PRDM7: variants seen among roughly 807,000 people sequenced by gnomAD.
The protein encoded by PRDM7 is histone-lysine N-methyltransferase PRDM7.
Under a neutral mutation model 64.3 loss-of-function variants are expected in PRDM7, and 52 were observed. The ratio of observed to expected loss-of-function variants is 0.81; its 90% CI spans 0.65 to 1.02. The LOEUF (loss-of-function observed/expected upper bound fraction) is 1.02. Among genes scored for constraint, PRDM7 ranks in the 50% least tolerant of loss-of-function variants. The probability of loss-of-function intolerance (pLI) is 0.00; values close to 1 mark genes in which losing one functional copy is unlikely to be tolerated. For synonymous variants in PRDM7, 192 were observed against 210.1 expected (o/e 0.91, Z 0.74); for missense variants, 574 against 597.1 (o/e 0.96, Z 0.40).
chr16:90,063,752 G>A lies in PRDM7; in HGVS notation c.368C>T (p.Ser123Leu), dbSNP rs765132852. ...SKHQKGMPKA[S>L]FNNESSLREL... ...TCTCAAACTAGATTCATTATTGAAT[G>A]ACGCCTTGGGCATTCCCTTTAATGT... The change falls in exon 6 of 11, where the codon TCA becomes TTA. Residue 123 changes from serine to leucine, a missense_variant. Coordinates refer to ENST00000449207, the MANE Select transcript of PRDM7 (RefSeq NM_001098173.2). The A allele has an allele frequency of 1.2e-5, 20 of 1,614,082 alleles. No individual in the cohort carries two copies. The highest frequency in any genetic ancestry group is 1.5e-5 in the Non-Finnish European group (18 of 1,180,030).
At position 90,065,684 on chromosome 16, in the gene PRDM7, G is replaced by A. The variant is rs545564378; in HGVS notation, c.351+1177C>T. Among the ~76,000 whole-genome samples, 7 of 151,378 alleles carry A rather than the reference G, an allele frequency of 4.6e-5. No homozygotes were observed. The South Asian group carries it at 1.0e-3, about 22-fold the overall frequency. On this transcript the variant is annotated intron_variant, in intron 5 of 10. Coordinates refer to ENST00000449207, the MANE Select transcript of PRDM7 (RefSeq NM_001098173.2). ...TAGGAGATGGAGGCTGCAGTAAGCC[G>A]AGATTGAGCCATTGCACTGCAGCCT...
At chr16:90,063,427 G>C (rs1156691627) in intron 6 of PRDM7, among the ~76,000 whole-genome samples, 185 bp downstream of exon 6, 1 of 152,120 alleles carries the variant, frequency 6.6e-6, no homozygotes, top group African/African-American at 2.4e-5. Flanking sequence ...GACAGAGTAA[G>C]ACTCTGTCTC....
Position 90,075,912 on chromosome 16 carries a change from G to A in PRDM7, c.-2C>T. On this transcript the variant is annotated 5_prime_UTR_variant, in exon 2 of 11. Coordinates refer to ENST00000449207, the MANE Select transcript of PRDM7 (RefSeq NM_001098173.2). The surrounding 1 kb of genome is among the most constrained non-coding windows in gnomAD (Gnocchi z 4.3). ...CTCTTGGGACCTTTCAGGGCTCATG[G>A]TGCTGGGACTGTCTAGAAGGCCCTG... 2 of 1,613,658 alleles carry A rather than the reference G, an allele frequency of 1.2e-6. No individual in the cohort carries two copies. Among genetic ancestry groups the A allele is most frequent in the Non-Finnish European group, 1.7e-6 (2 of 1,179,802 alleles).
In PRDM7 at chr16:90,058,294, A is replaced by C; in HGVS notation, c.1474T>G (p.Ser492Ala). ...KVKRSKKGPN[S>A] ...CCTCTGCCATGTCCTTTTATTCAAG[A>C]GTTTGGACCTTTCTTTGATCTCTTG... Residue 492 changes from serine (S) to alanine (A), a missense_variant, in exon 11 of 11, where the codon TCT becomes GCT. By Grantham distance (99) the Ser-to-Ala change is moderately conservative (BLOSUM62 1). Coordinates refer to ENST00000449207, the MANE Select transcript of PRDM7 (RefSeq NM_001098173.2). The C allele has an allele frequency of 6.2e-7, 1 of 1,614,068 alleles. No individual in the cohort carries two copies. The highest frequency in any genetic ancestry group is 8.5e-7 in the Non-Finnish European group (1 of 1,180,016).
intron 4 of PRDM7, among the ~76,000 whole-genome samples, chr16:90,068,748 A>G (rs1335233378): frequency 4.0e-5 from 6 of 151,330 alleles, no homozygotes; most frequent in African/African-American, 1.2e-4. Context: ...AAATTAAGAA[A>G]AAAATCCCAA....
Position 90,059,611 on chromosome 16 carries a change from G to A in PRDM7, c.1233+730C>T, listed in dbSNP as rs554548429. On this transcript the variant is annotated intron_variant, in intron 10 of 10. Coordinates refer to ENST00000449207, the MANE Select transcript of PRDM7 (RefSeq NM_001098173.2). ...GCACTTCTCAAATGCTGTCTCCTAA[G>A]AGAAATCTTCCCTGACAATCCCCTG... Among the ~76,000 whole-genome samples the A allele has an allele frequency of 2.6e-4, 39 of 152,344 alleles. No individual in the cohort carries two copies. In the South Asian group the frequency reaches 6.6e-3, roughly 26 times the overall value.
chr16:90,069,470 C>T (rs1333542217), intron 4 of PRDM7, among the ~76,000 whole-genome samples: 1 of 151,304 alleles, frequency 6.6e-6, no homozygotes. Flanking sequence ...GTATATGACA[C>T]CAAAAGCATA....
chr16:90,062,356 A>G lies in PRDM7; in HGVS notation c.610+45T>C, dbSNP rs16966435. ...GGCCAAATGATGAAATTATTGTACCAGGACATAACAGCAAGCTGTGTGAGT... is the reference window on the plus strand; with the variant it reads ...GGCCAAATGATGAAATTATTGTACCGGGACATAACAGCAAGCTGTGTGAGT... On this transcript the variant is annotated intron_variant, in intron 7 of 10. Transcript: ENST00000449207. 6.4e-3 allele frequency: 10,316 copies of G among 1,613,816 alleles called. 639 individuals carry two copies. The African/African-American group carries it at 0.12, about 19-fold the overall frequency.
At chr16:90,077,119 G>A (rs2151315748) in intron 1 of PRDM7, 107 bp downstream of exon 1, 1 of 152,226 alleles carries the variant, frequency 6.6e-6, no homozygotes, top group East Asian at 1.9e-4. Context: ...CCCTCAAGGT[G>A]GCAGGATTTG....
In PRDM7 at chr16:90,058,448, G is replaced by C. The variant is rs2037716690; in HGVS notation, c.1320C>G (p.Ile440Met). ...GGTCCTGGGAAGTTCTGAGAGGAGT[G>C]ATTGCGTTCCACATGTTGACTGAGA... ...KNFSVNMWNAITPLRTSQDHL... is the reference protein window; with the variant it reads ...KNFSVNMWNAMTPLRTSQDHL... Residue 440 changes from isoleucine (I) to methionine (M), a missense_variant, in exon 11 of 11, where the codon ATC (isoleucine) becomes ATG (methionine). Transcript: ENST00000449207. 1.2e-6 allele frequency: 2 copies of C among 1,614,170 alleles called. No individual in the cohort carries two copies. Among genetic ancestry groups the C allele is most frequent in the Non-Finnish European group, 1.7e-6 (2 of 1,180,036 alleles).
intron 4 of PRDM7, among the ~76,000 whole-genome samples, chr16:90,068,420 G>A (rs1231647535): frequency 2.0e-5 from 3 of 151,204 alleles, no homozygotes; most frequent in Non-Finnish European, 4.4e-5. Context: ...GGGATCACGA[G>A]GTCAGGAGAT....
chr16:90,069,710 C>T (rs1364828986), intron 4 of PRDM7, among the ~76,000 whole-genome samples: 1 of 150,908 alleles, frequency 6.6e-6, no homozygotes, highest in African/African-American at 2.5e-5. Flanking sequence ...AGTTCGAGAC[C>T]AGCCAGGGCA....
intron 4 of PRDM7, among the ~76,000 whole-genome samples, chr16:90,074,064 G>C (rs1342626716): frequency 1.3e-5 from 2 of 151,984 alleles, no homozygotes; most frequent in African/African-American, 4.8e-5. Context: ...GGGATTACAG[G>C]TGTGAGCCAC....
intron 9 of PRDM7, among the ~76,000 whole-genome samples, chr16:90,061,008 C>T (rs1257661864): frequency 6.6e-6 from 1 of 152,196 alleles, no homozygotes; most frequent in African/African-American, 2.4e-5. Context: ...AAGTCTCTTT[C>T]TCTTGGCCCA....
At position 90,075,066 on chromosome 16, in the gene PRDM7, G is replaced by T. The variant is rs1486579046; in HGVS notation, c.194-43C>A. The T allele has an allele frequency of 6.2e-7, 1 of 1,606,012 alleles. No individual in the cohort carries two copies. Among genetic ancestry groups the T allele is most frequent in the African/African-American group, 1.3e-5 (1 of 74,836 alleles). ...ATTTTGCTCTGAAACGGAAGAGCTG[G>T]GATGAGGAACAAAGGGCAGTGGCAA... is the stretch of plus-strand genomic sequence containing the variant. On this transcript the variant is annotated intron_variant, in intron 3 of 10. Transcript: ENST00000449207. This position sits in a 1 kb window ranked among gnomAD's most constrained non-coding sequence, Gnocchi z 4.3.
chr16:90,075,882 C>T lies in PRDM7; in HGVS notation c.29G>A (p.Ser10Asn), dbSNP rs757133697. 2 of 1,614,058 alleles carry T rather than the reference C, an allele frequency of 1.2e-6. No homozygotes were observed. The highest frequency in any genetic ancestry group is 3.3e-5 in the Admixed American group (2 of 60,004). The stretch of plus-strand genomic sequence containing the variant: ...TGTTCTCTCTGTGTCTCCTTCTGGG[C>T]TCTCCTCTTGGGACCTTTCAGGGCT... The part of the protein sequence containing the change: MSPERSQEE[S>N]PEGDTERTER... Residue 10 changes from serine to asparagine, a missense_variant, in exon 2 of 11, where the codon AGC (serine) becomes AAC (asparagine). Physicochemically the swap from Ser to Asn is conservative, Grantham distance 46. Transcript: ENST00000449207. The surrounding 1 kb of genome is among the most constrained non-coding windows in gnomAD (Gnocchi z 4.3).
At position 90,061,460 on chromosome 16, in the gene PRDM7, G is replaced by C. The variant is rs139778453; in HGVS notation, c.942C>G (p.Asn314Lys). Residue 314 changes from asparagine to lysine, a missense_variant, in exon 9 of 11, where the codon AAC becomes AAG. Coordinates refer to ENST00000449207, the MANE Select transcript of PRDM7 (RefSeq NM_001098173.2). ...YVDGKDKSSA[N>K]WMRYVNCARD... ...AGACCTAGTGGCCTTACCTCATCCA[G>C]TTGGCCGAGGATTTATCTTTTCCAT... is the stretch of plus-strand genomic sequence containing the variant. The C allele has an allele frequency of 1.4e-5, 22 of 1,600,510 alleles. No individual in the cohort carries two copies. Among genetic ancestry groups the C allele is most frequent in the African/African-American group, 1.3e-5 (1 of 74,618 alleles).
rs543352611 is a variant in PRDM7 at position 90,057,712 on chromosome 16, A to C, written c.*577T>G. 3.3e-6 allele frequency: 4 copies of C among 1,222,120 alleles called. No homozygotes were observed. The highest frequency in any genetic ancestry group is 4.2e-6 in the Non-Finnish European group (4 of 955,618). The allele number at this position is 1,222,120 out of a possible 1,614,324, so 75.7% of individuals were successfully genotyped here. A position where few individuals can be genotyped will look rare whatever the true frequency, so the allele number is the denominator to read the frequency against. ...AATTAGTTATTTCCGATCTCTTTAC[A>C]CTCTCGGGGAATGTAAGGGGTTAGC... On this transcript the variant is annotated 3_prime_UTR_variant, in exon 11 of 11. Transcript: ENST00000449207.
Position 90,057,741 on chromosome 16 carries a change from C to A in PRDM7, c.*548G>T. 2 of 1,267,884 alleles carry A rather than the reference C, an allele frequency of 1.6e-6. No homozygotes were observed. The highest frequency in any genetic ancestry group is 1.0e-6 in the Non-Finnish European group (1 of 977,858). The allele number at this position is 1,267,884 out of a possible 1,614,324, so 78.5% of individuals were successfully genotyped here. On this transcript the variant is annotated 3_prime_UTR_variant, in exon 11 of 11. Transcript: ENST00000449207. ...TCGGGGAATGTAAGGGGTTAGCAGACTTTCGCTGAAGCCACCTCAGAGCTG... is the reference window on the plus strand; with the variant it reads ...TCGGGGAATGTAAGGGGTTAGCAGAATTTCGCTGAAGCCACCTCAGAGCTG...
Sources: allele counts gnomAD v4.1 joint callset (sites outside exome capture counted in the v4.1 genomes callset), GRCh38; gene constraint gnomAD v4.1.1; non-coding constraint Gnocchi (gnomAD v3.1); transcripts MANE v1.5; gene names NCBI Gene and HGNC (gene_info 2026-07-23, HGNC 2026-07-21).